Variants in HMCN1 observed in about 807,000 individuals in gnomAD.
HMCN1 encodes hemicentin 1.
A neutral mutation model predicts 625.9 loss-of-function variants in HMCN1; 321 were observed. The ratio of observed to expected loss-of-function variants is 0.51; its 90% CI spans 0.47 to 0.56. HMCN1 has a LOEUF of 0.56. HMCN1 is among the 20% of genes least tolerant of loss of function. The probability of loss-of-function intolerance (pLI) is 0.00; values close to 1 mark genes in which losing one functional copy is unlikely to be tolerated. For missense variants in HMCN1, 6,588 were observed against 6,887.3 expected (o/e 0.96, Z 1.54); for synonymous variants, 2,425 against 2,417.6 (o/e 1.00, Z -0.09).
chr1:185,937,212 T>G (rs1177749073), intron 11 of HMCN1, among the ~76,000 whole-genome samples: 1 of 152,172 alleles, frequency 6.6e-6, no homozygotes, highest in Admixed American at 6.5e-5. Context: ...TCATATGGTG[T>G]CTTAGTCTGT....
intron 62 of HMCN1, 32 bp downstream of exon 62, chr1:186,088,308 G>T (rs1659642597): frequency 1.9e-6 from 3 of 1,611,552 alleles, no homozygotes; most frequent in Admixed American, 1.7e-5. Flanking sequence ...GTGTGTGTGT[G>T]TGTTTTTTTC....
chr1:185,757,738 A>G (rs1655225401), intron 1 of HMCN1, among the ~76,000 whole-genome samples: 1 of 152,306 alleles, frequency 6.6e-6, no homozygotes, highest in East Asian at 1.9e-4. Context: ...TATCTGATAC[A>G]TGGGAAAATG....
chr1:186,007,533 C>A (rs1478297213), intron 30 of HMCN1, among the ~76,000 whole-genome samples: 1 of 152,018 alleles, frequency 6.6e-6, no homozygotes, highest in Non-Finnish European at 1.5e-5. Flanking sequence ...TTAGAGAGAG[C>A]AAGAATTTCC....
chr1:185,945,706 C>T (rs1668306391), intron 11 of HMCN1, among the ~76,000 whole-genome samples: 1 of 152,054 alleles, frequency 6.6e-6, no homozygotes, highest in South Asian at 2.1e-4. Context: ...AGGAAGAAGT[C>T]AGGACAGTCT....
At chr1:186,060,824 G>C (rs1657641151) in intron 46 of HMCN1, among the ~76,000 whole-genome samples, 1 of 152,004 alleles carries the variant, frequency 6.6e-6, no homozygotes, top group Admixed American at 6.6e-5. Context: ...GTCTGGGCTG[G>C]TTGTCTTTCT....
In HMCN1 at chr1:186,058,502, G is replaced by A. The variant is rs1657490519; in HGVS notation, c.7312+1101G>A. On this transcript the variant is annotated intron_variant, in intron 46 of 106. Transcript: ENST00000271588. ...GAAATTATCACATAATGATTAATATGTCTGTATTTAACCTGGAAAAATAAA... is the reference window on the plus strand; with the variant it reads ...GAAATTATCACATAATGATTAATATATCTGTATTTAACCTGGAAAAATAAA... Among the ~76,000 whole-genome samples the A allele has an allele frequency of 2.0e-5, 3 of 151,872 alleles. No homozygotes were observed. In the South Asian group the frequency reaches 6.2e-4, roughly 31 times the overall value.
At chr1:186,023,829 A>G (rs1654879364) in intron 36 of HMCN1, among the ~76,000 whole-genome samples, 1 of 152,172 alleles carries the variant, frequency 6.6e-6, no homozygotes, top group South Asian at 2.1e-4. Context: ...TTATTCATTC[A>G]TATATTCACT....
rs1667580525 is a variant in HMCN1 at position 185,932,096 on chromosome 1, C to CATTGGGGA, written c.1553-1450_1553-1449insGGGGAATT. ...AATTCAGATTTAACAAAGTGTCCTG[C>CATTGGGGA]ATTTTACCTGGGAACCCTAGCCAGA... On this transcript the variant is annotated intron_variant, in intron 10 of 106. Transcript: ENST00000271588. Among the ~76,000 whole-genome samples, 5 of 152,138 alleles carry CATTGGGGA rather than the reference C, an allele frequency of 3.3e-5. No homozygotes were observed. The South Asian group carries it at 1.0e-3, about 31-fold the overall frequency.
intron 66 of HMCN1, 65 bp downstream of exon 66, chr1:186,093,734 C>T: frequency 6.3e-7 from 1 of 1,597,114 alleles, no homozygotes. Flanking sequence ...ACTTTTCCTT[C>T]ATTTAAACAG....
intron 66 of HMCN1, among the ~76,000 whole-genome samples, chr1:186,093,884 A>G (rs1439547674): frequency 1.1e-4 from 16 of 152,094 alleles, no homozygotes; most frequent in Non-Finnish European, 2.2e-4. Context: ...GTAAATGTGT[A>G]AAATGGTCTT....
chr1:186,114,169 A>G (rs767828811), intron 73 of HMCN1, 46 bp downstream of exon 73: 1 of 1,608,580 alleles, frequency 6.2e-7, no homozygotes, highest in Non-Finnish European at 8.5e-7. Context: ...CCTGAAATAC[A>G]AATTCTTAAT....
rs141679462 is a variant in HMCN1 at position 186,087,271 on chromosome 1, C to T, written c.9101C>T (p.Thr3034Ile). 7 of 1,613,272 alleles carry T rather than the reference C, an allele frequency of 4.3e-6. No individual in the cohort carries two copies. Among genetic ancestry groups the T allele is most frequent in the South Asian group, 1.1e-5 (1 of 91,062 alleles). The change falls in exon 59 of 107, where the codon ACT (threonine) becomes ATT (isoleucine). Residue 3034 changes from threonine (T) to isoleucine (I), a missense_variant. Thr to Ile is a moderately conservative substitution (Grantham distance 89). Coordinates refer to ENST00000271588, the MANE Select transcript of HMCN1 (RefSeq NM_031935.3). ...RAKVSDGGEY[T>I]CIAINQAGES... ...AAGGTATCAGATGGTGGTGAATACA[C>T]TTGTATAGCTATCAATCAAGCTGGC...
intron 56 of HMCN1, 55 bp from the exon 57 acceptor site, chr1:186,082,810 A>G (rs1403579964): frequency 3.2e-6 from 3 of 927,178 alleles, no homozygotes; most frequent in African/African-American, 3.4e-5. Context: ...ATAGACAAAT[A>G]TGACAAGTTG....
chr1:185,893,187 C>A (rs946448730), intron 4 of HMCN1, among the ~76,000 whole-genome samples: 1 of 152,238 alleles, frequency 6.6e-6, no homozygotes, highest in East Asian at 1.9e-4. Flanking sequence ...GGTGCCTGCA[C>A]CCAGTGACCT....
chr1:185,853,367 C>T lies in HMCN1; in HGVS notation c.339+7271C>T, dbSNP rs767835678. Among the ~76,000 whole-genome samples the T allele has an allele frequency of 3.9e-5, 6 of 152,072 alleles. 1 individual carries two copies. Among genetic ancestry groups the T allele is most frequent in the Admixed American group, 3.9e-4 (6 of 15,266 alleles). ...TATGATAAGCTTATTTAAACTCATG[C>T]ACACTTTGGGGAGAAACAAGAACAA... On this transcript the variant is annotated intron_variant, in intron 2 of 106. Transcript: ENST00000271588.
intron 11 of HMCN1, among the ~76,000 whole-genome samples, chr1:185,946,104 G>A (rs1470795197): frequency 6.6e-6 from 1 of 152,208 alleles, no homozygotes; most frequent in East Asian, 1.9e-4. Context: ...ATGACAGCTG[G>A]AAGGATGGGA....
At position 186,048,264 on chromosome 1, in the gene HMCN1, G is replaced by C. The variant is rs1349576904; in HGVS notation, c.6481-479G>C. 9.2e-5 allele frequency among the ~76,000 whole-genome samples: 14 copies of C among 152,208 alleles called. No homozygotes were observed. In the East Asian group the frequency reaches 2.7e-3, roughly 29 times the overall value. On this transcript the variant is annotated intron_variant, in intron 41 of 106. Transcript: ENST00000271588. ...TTACTGATACTAATTCATCTGCCAA[G>C]CACCAAACTGGGTAGTAGAAGAATG...
chr1:185,889,413 T>G (rs1026493311), intron 4 of HMCN1, among the ~76,000 whole-genome samples: 1 of 147,636 alleles, frequency 6.8e-6, no homozygotes, highest in Non-Finnish European at 1.5e-5. Context: ...TGCTTCCAGT[T>G]TTTGTCCATT....
intron 4 of HMCN1, among the ~76,000 whole-genome samples, chr1:185,871,246 A>T (rs955040389): frequency 6.6e-6 from 1 of 150,588 alleles, no homozygotes; most frequent in Non-Finnish European, 1.5e-5. Flanking sequence ...AAAAAAAAAA[A>T]GTCAGCATCC....
Sources: allele counts gnomAD v4.1 joint callset (sites outside exome capture counted in the v4.1 genomes callset), GRCh38; gene constraint gnomAD v4.1.1; transcripts MANE v1.5; gene names NCBI Gene and HGNC (gene_info 2026-07-23, HGNC 2026-07-21).